MOB3A: variants seen among roughly 807,000 people sequenced by gnomAD.
MOB3A encodes the protein MOB LAK.
A neutral mutation model predicts 17.8 loss-of-function variants in MOB3A; 17 were observed. The observed-to-expected ratio is 0.95, with a 90% CI of 0.65 to 1.43. MOB3A has a LOEUF of 1.43. Among genes scored for constraint, MOB3A ranks in the 40% most tolerant of loss-of-function variants. The pLI, the probability that MOB3A is intolerant of heterozygous loss-of-function variation, is 0.00. For synonymous variants in MOB3A, 124 were observed against 133.2 expected (o/e 0.93, Z 0.48); for missense variants, 333 against 310.8 (o/e 1.07, Z -0.54).
chr19:2,087,405 C>T (rs756746901), intron 1 of MOB3A, among the ~76,000 whole-genome samples: 93 of 152,210 alleles, frequency 6.1e-4, no homozygotes, highest in Non-Finnish European at 6.6e-4. Flanking sequence ...GTAATCCTGG[C>T]ACTTTGGGAG....
intron 1 of MOB3A, among the ~76,000 whole-genome samples, chr19:2,095,859 C>T (rs1006412862): frequency 3.4e-4 from 52 of 152,020 alleles, no homozygotes; most frequent in Admixed American, 3.3e-3. Flanking sequence ...ATTCTCCTGC[C>T]TCAGCCTCCT....
At position 2,088,692 on chromosome 19, in the gene MOB3A, A is replaced by C. The variant is rs1383435643; in HGVS notation, c.-273-3364T>G. Reference sequence around the variant, plus strand: ...ACCATATTGGCCAGGCTGGTCTCCAACTCCTGACCTCATGATCCGCCCGCC... The same window carrying C: ...ACCATATTGGCCAGGCTGGTCTCCACCTCCTGACCTCATGATCCGCCCGCC... On this transcript the variant is annotated intron_variant, in intron 1 of 4. Coordinates refer to ENST00000357066, the MANE Select transcript of MOB3A (RefSeq NM_130807.3). 4.0e-5 allele frequency among the ~76,000 whole-genome samples: 6 copies of C among 151,474 alleles called. No individual in the cohort carries two copies. In the East Asian group the frequency reaches 1.2e-3, roughly 29 times the overall value.
At chr19:2,083,807 C>G (rs189362057) in intron 2 of MOB3A, among the ~76,000 whole-genome samples, 3 of 152,342 alleles carry the variant, frequency 2.0e-5, no homozygotes, top group Admixed American at 6.5e-5. Flanking sequence ...AACCGTGCCA[C>G]CTGGTTGGGC....
chr19:2,079,939 C>T (rs1385727217), intron 2 of MOB3A, among the ~76,000 whole-genome samples: 7 of 152,220 alleles, frequency 4.6e-5, no homozygotes, highest in Admixed American at 2.0e-4. Flanking sequence ...GGGGACCCGG[C>T]GTCCTCCTAC....
At chr19:2,092,753 C>CAAAAAA (rs745800527) in intron 1 of MOB3A, among the ~76,000 whole-genome samples, 1 of 48,200 alleles carries the variant, frequency 2.1e-5, no homozygotes, top group Non-Finnish European at 4.2e-5. Context: ...AACTCCATCT[C>CAAAAAA]AAAAAAAAAA....
rs1311565056 is a variant in MOB3A at position 2,093,159 on chromosome 19, G to C, written c.-274+3067C>G. ...GGTGGGAGGATACCTCCTTGGAAGG[G>C]AATTTTTTTTTTTTTCGAGACGTTG... is the stretch of plus-strand genomic sequence containing the variant. On this transcript the variant is annotated intron_variant, in intron 1 of 4. Coordinates refer to ENST00000357066, the MANE Select transcript of MOB3A (RefSeq NM_130807.3). This position sits in a 1 kb window ranked among gnomAD's most constrained non-coding sequence, Gnocchi z 4.6. Among the ~76,000 whole-genome samples the C allele has an allele frequency of 6.6e-6, 1 of 151,898 alleles. No homozygotes were observed. The highest frequency in any genetic ancestry group is 2.4e-5 in the African/African-American group (1 of 41,354).
intron 1 of MOB3A, among the ~76,000 whole-genome samples, chr19:2,092,082 G>GTTTTTT (rs1219970948): frequency 8.4e-6 from 1 of 118,892 alleles, no homozygotes; most frequent in African/African-American, 3.2e-5. Flanking sequence ...GGAAGGAAAG[G>GTTTTTT]TTTTTTTTTT....
At chr19:2,092,393 G>A (rs1034589291) in intron 1 of MOB3A, among the ~76,000 whole-genome samples, 1 of 152,096 alleles carries the variant, frequency 6.6e-6, no homozygotes, top group Non-Finnish European at 1.5e-5. Flanking sequence ...GAGCCATAGC[G>A]CCCGACCCTC....
At chr19:2,090,614 T>C (rs2017602930) in intron 1 of MOB3A, among the ~76,000 whole-genome samples, 1 of 152,102 alleles carries the variant, frequency 6.6e-6, no homozygotes, top group Non-Finnish European at 1.5e-5. Flanking sequence ...TCCTTCCCTG[T>C]GGGACTTATG....
chr19:2,077,378 G>C (rs2017425888), intron 3 of MOB3A, among the ~76,000 whole-genome samples: 1 of 151,944 alleles, frequency 6.6e-6, no homozygotes, highest in Non-Finnish European at 1.5e-5. Flanking sequence ...CTCCAGCCTG[G>C]GTGACAGAGT....
intron 1 of MOB3A, among the ~76,000 whole-genome samples, chr19:2,087,974 C>T (rs759908692): frequency 4.6e-5 from 7 of 152,224 alleles, no homozygotes; most frequent in Non-Finnish European, 8.8e-5. Context: ...TGAGCCCGCC[C>T]AGTGGGAGCC....
Position 2,082,009 on chromosome 19 carries a change from C to A in MOB3A, c.-120+3166G>T, listed in dbSNP as rs2017496280. Among the ~76,000 whole-genome samples the A allele has an allele frequency of 6.6e-6, 1 of 152,126 alleles. No homozygotes were observed. The highest frequency in any genetic ancestry group is 2.4e-5 in the African/African-American group (1 of 41,420). Reference sequence around the variant, plus strand: ...CCCCTGGTGAGGACCGGCTGGGGGACACTGCTCAGGGCAGCCTGGGCACAG... The same window carrying A: ...CCCCTGGTGAGGACCGGCTGGGGGAAACTGCTCAGGGCAGCCTGGGCACAG... On this transcript the variant is annotated intron_variant, in intron 2 of 4. Coordinates refer to ENST00000357066, the MANE Select transcript of MOB3A (RefSeq NM_130807.3). The surrounding 1 kb of genome is among the most constrained non-coding windows in gnomAD (Gnocchi z 4.1).
intron 1 of MOB3A, among the ~76,000 whole-genome samples, chr19:2,088,521 G>A (rs886588743): frequency 6.6e-6 from 1 of 152,088 alleles, no homozygotes; most frequent in Non-Finnish European, 1.5e-5. Context: ...AGGTTGGAGT[G>A]CAGTGGTGCG....
chr19:2,083,483 G>A (rs1033870183), intron 2 of MOB3A, among the ~76,000 whole-genome samples: 2 of 152,196 alleles, frequency 1.3e-5, no homozygotes, highest in Non-Finnish European at 1.5e-5. Context: ...GCCATGGTCC[G>A]CCTGGCACTG....
chr19:2,080,745 T>C (rs1422425493), intron 2 of MOB3A, among the ~76,000 whole-genome samples: 3 of 152,040 alleles, frequency 2.0e-5, no homozygotes, highest in African/African-American at 4.8e-5. Flanking sequence ...TGGGCGAGTG[T>C]TTGGGGCTGC....
intron 4 of MOB3A, among the ~76,000 whole-genome samples, chr19:2,075,197 T>G (rs891782355): frequency 6.6e-6 from 1 of 152,130 alleles, no homozygotes; most frequent in African/African-American, 2.4e-5. Context: ...CCTGGCTCAT[T>G]TTTTTCATTT....
At position 2,083,489 on chromosome 19, in the gene MOB3A, C is replaced by T. The variant is rs185357374; in HGVS notation, c.-120+1686G>A. On this transcript the variant is annotated intron_variant, in intron 2 of 4. Transcript: ENST00000357066. ...CACCTCCAGGCCATGGTCCGCCTGG[C>T]ACTGAGCGAGATGCTCCTCCACGCT... 7.2e-5 allele frequency among the ~76,000 whole-genome samples: 11 copies of T among 152,348 alleles called. No individual in the cohort carries two copies. The East Asian group carries it at 2.1e-3, about 29-fold the overall frequency.
At chr19:2,088,281 C>T (rs1805031642) in intron 1 of MOB3A, among the ~76,000 whole-genome samples, 1 of 152,064 alleles carries the variant, frequency 6.6e-6, no homozygotes, top group African/African-American at 2.4e-5. Flanking sequence ...AGTGGCAAGG[C>T]CGGGGATCTA....
In MOB3A at chr19:2,076,802, C is replaced by A. The variant is rs1489464218; in HGVS notation, c.624+9G>T. Reference sequence around the variant, plus strand: ...GTAACCGCACGCCCTCAGCCCCAAGCCCGCGCACCAGTGGCTCCAGCTCCT... The same window carrying A: ...GTAACCGCACGCCCTCAGCCCCAAGACCGCGCACCAGTGGCTCCAGCTCCT... On this transcript the variant is annotated intron_variant, in intron 4 of 4. Transcript: ENST00000357066. The A allele has an allele frequency of 1.9e-6, 3 of 1,613,002 alleles. No individual in the cohort carries two copies. Among genetic ancestry groups the A allele is most frequent in the Admixed American group, 3.3e-5 (2 of 60,008 alleles).
Sources: allele counts gnomAD v4.1 joint callset (sites outside exome capture counted in the v4.1 genomes callset), GRCh38; gene constraint gnomAD v4.1.1; non-coding constraint Gnocchi (gnomAD v3.1); transcripts MANE v1.5; gene names NCBI Gene and HGNC (gene_info 2026-07-23, HGNC 2026-07-21).